Variants in ATP6V1C2 observed in about 807,000 individuals in gnomAD.
ATP6V1C2 encodes the protein V-type proton ATPase subunit C 2.
Under a neutral mutation model 56.8 loss-of-function variants are expected in ATP6V1C2, and 45 were observed. That is an observed-to-expected ratio of 0.79 (90% CI 0.62 to 1.02). The LOEUF (loss-of-function observed/expected upper bound fraction) is 1.02. Ranked by LOEUF, ATP6V1C2 falls within the 50% of genes least tolerant of loss-of-function variation. The probability of loss-of-function intolerance (pLI) is 0.00; values close to 1 mark genes in which losing one functional copy is unlikely to be tolerated. For synonymous variants in ATP6V1C2, 220 were observed against 201.3 expected, an observed-to-expected ratio of 1.09 and a Z score of -0.79; for missense variants, 463 against 519.7, an observed-to-expected ratio of 0.89 and a Z score of 1.06.
intron 3 of ATP6V1C2, among the ~76,000 whole-genome samples, chr2:10,743,899 A>G (rs1419142772): frequency 6.6e-6 from 1 of 151,770 alleles, no homozygotes; most frequent in Non-Finnish European, 1.5e-5. Context: ...GCAGGAGAAT[A>G]GCTGGAACCC....
chr2:10,723,517 AG>A (rs552613184), intron 2 of ATP6V1C2, among the ~76,000 whole-genome samples: 23 of 152,124 alleles, frequency 1.5e-4, no homozygotes, highest in African/African-American at 5.3e-4. Flanking sequence ...CTTGGAGTGG[AG>A]GGCAAAGTTC....
chr2:10,745,988 A>G (rs1486022841), intron 3 of ATP6V1C2, among the ~76,000 whole-genome samples: 1 of 152,138 alleles, frequency 6.6e-6, no homozygotes, highest in Non-Finnish European at 1.5e-5. Flanking sequence ...GACACACCAC[A>G]TTCTATGTAT....
At chr2:10,773,023 T>C (rs1817747) in intron 8 of ATP6V1C2, among the ~76,000 whole-genome samples, 100,424 of 152,198 alleles carry the variant, frequency 0.66, 33,617 homozygotes, top group East Asian at 0.93. Context: ...GCGTGTGGCC[T>C]GCAGGGGCCA....
At chr2:10,778,510 T>G (rs1185667009) in intron 11 of ATP6V1C2, 62 bp from the exon 12 acceptor site, 2 of 1,521,450 alleles carry the variant, frequency 1.3e-6, no homozygotes, top group Non-Finnish European at 1.8e-6. Flanking sequence ...CCCAAGTCCT[T>G]TCTTGGCTCT....
At chr2:10,744,949 A>G (rs1435439504) in intron 3 of ATP6V1C2, among the ~76,000 whole-genome samples, 1 of 151,162 alleles carries the variant, frequency 6.6e-6, no homozygotes, top group Non-Finnish European at 1.5e-5. Context: ...GATTACAAGC[A>G]TGAGCCATCG....
At chr2:10,727,589 G>A (rs1661716249) in intron 3 of ATP6V1C2, among the ~76,000 whole-genome samples, 1 of 151,774 alleles carries the variant, frequency 6.6e-6, no homozygotes, top group African/African-American at 2.4e-5. Flanking sequence ...GTACAAAAAG[G>A]ATATATATAG....
In ATP6V1C2 at chr2:10,774,943, TTC is replaced by T. The variant is rs1406260843; in HGVS notation, c.732-33_732-32del. On this transcript the variant is annotated intron_variant, in intron 9 of 13. Transcript: ENST00000272238. ...GGGGGTCTCTGCCCCTCTGGAAAGC[TTC>T]TGAGTGAAAACCCATGATTTGCTTG... 3.7e-6 allele frequency: 6 copies of T among 1,612,684 alleles called. No individual in the cohort carries two copies. The South Asian group carries it at 4.4e-5, about 12-fold the overall frequency.
At position 10,740,199 on chromosome 2, in the gene ATP6V1C2, T is replaced by A. The variant is rs372748693; in HGVS notation, c.197+13630T>A. On this transcript the variant is annotated intron_variant, in intron 3 of 13. Transcript: ENST00000272238. The stretch of plus-strand genomic sequence containing the variant: ...TATATACTACTAACTTGTTTTCCAA[T>A]GAAGTTAGAAGAAGTTAAAAGAACC... Among the ~76,000 whole-genome samples the A allele has an allele frequency of 2.4e-4, 36 of 152,180 alleles. 1 individual carries two copies. In the East Asian group the frequency reaches 5.6e-3, roughly 24 times the overall value.
At chr2:10,753,479 T>TAGC (rs1663336186) in intron 3 of ATP6V1C2, among the ~76,000 whole-genome samples, 1 of 152,132 alleles carries the variant, frequency 6.6e-6, no homozygotes. Context: ...GTTTGTCCCA[T>TAGC]TTCCTTAAGA....
chr2:10,755,678 C>T (rs1663511026), intron 4 of ATP6V1C2, among the ~76,000 whole-genome samples: 1 of 152,216 alleles, frequency 6.6e-6, no homozygotes, highest in South Asian at 2.1e-4. Context: ...CACCACTCTC[C>T]CCACCTGGGC....
At chr2:10,773,044 A>G (rs6432141) in intron 8 of ATP6V1C2, among the ~76,000 whole-genome samples, 92,642 of 152,150 alleles carry the variant, frequency 0.61, 28,652 homozygotes, top group African/African-American at 0.71. Flanking sequence ...GAGCAGCAGT[A>G]GCCAGTGGGT....
intron 3 of ATP6V1C2, among the ~76,000 whole-genome samples, chr2:10,729,526 A>G (rs1348383781): frequency 6.6e-6 from 1 of 152,162 alleles, no homozygotes; most frequent in Non-Finnish European, 1.5e-5. Context: ...TAATTTTCTC[A>G]ACATATAAAT....
At position 10,764,366 on chromosome 2, in the gene ATP6V1C2, G is replaced by C; in HGVS notation, c.319G>C (p.Asp107His). 1 of 1,614,092 alleles carries C rather than the reference G, an allele frequency of 6.2e-7. No homozygotes were observed. Among genetic ancestry groups the C allele is most frequent in the Non-Finnish European group, 8.5e-7 (1 of 1,179,938 alleles). The change falls in exon 5 of 14, where the codon GAC (aspartate) becomes CAC (histidine). Residue 107 changes from aspartate (D) to histidine (H), a missense_variant. Physicochemically the swap from Asp to His is moderately conservative, Grantham distance 81. Transcript: ENST00000272238. ...ATCCTTTGTGACCCACTTTGAATGGGACATGGCCAAATATCCTGTCAAGCA... is the reference window on the plus strand; with the variant it reads ...ATCCTTTGTGACCCACTTTGAATGGCACATGGCCAAATATCCTGTCAAGCA... ...LTSFVTHFEWDMAKYPVKQPL... is the reference protein window; with the variant it reads ...LTSFVTHFEWHMAKYPVKQPL...
intron 4 of ATP6V1C2, among the ~76,000 whole-genome samples, chr2:10,759,901 T>C (rs1558409247): frequency 6.6e-6 from 1 of 152,244 alleles, no homozygotes; most frequent in Non-Finnish European, 1.5e-5. Context: ...GGCATTTAAA[T>C]GTGAGCCTTA....
At chr2:10,771,601 C>T (rs955766179) in intron 6 of ATP6V1C2, among the ~76,000 whole-genome samples, 7 of 152,216 alleles carry the variant, frequency 4.6e-5, no homozygotes, top group Non-Finnish European at 7.4e-5. Flanking sequence ...GAGGCCCTGC[C>T]AGCCTCCCTG....
At chr2:10,775,346 C>T (rs546092601) in intron 10 of ATP6V1C2, among the ~76,000 whole-genome samples, 9 of 152,326 alleles carry the variant, frequency 5.9e-5, no homozygotes, top group East Asian at 5.8e-4. Context: ...TCCTGAGCAC[C>T]GCCCTGCCAG....
chr2:10,764,934 G>T (rs977282063), intron 5 of ATP6V1C2, among the ~76,000 whole-genome samples: 1 of 151,548 alleles, frequency 6.6e-6, no homozygotes, highest in Non-Finnish European at 1.5e-5. Flanking sequence ...TCATGCCACT[G>T]CTCTCCAGCT....
In ATP6V1C2 at chr2:10,758,610, A is replaced by C. The variant is rs191507063; in HGVS notation, c.283+4544A>C. Reference sequence around the variant, plus strand: ...AGACCTTGTCTCTTAAAACAAAACAAAACAAAACAAAACACAGCATGTGCT... The same window carrying C: ...AGACCTTGTCTCTTAAAACAAAACACAACAAAACAAAACACAGCATGTGCT... On this transcript the variant is annotated intron_variant, in intron 4 of 13. Coordinates refer to ENST00000272238, the MANE Select transcript of ATP6V1C2 (RefSeq NM_001039362.2). 2.6e-3 allele frequency among the ~76,000 whole-genome samples: 398 copies of C among 152,290 alleles called. 1 individual carries two copies. The highest frequency in any genetic ancestry group is 4.1e-3 in the Non-Finnish European group (281 of 68,030).
Position 10,784,392 on chromosome 2 carries a change from A to C in ATP6V1C2, c.*1129A>C. The C allele has an allele frequency of 5.9e-4, 753 of 1,276,672 alleles. No individual in the cohort carries two copies. The highest frequency in any genetic ancestry group is 7.9e-4 in the Non-Finnish European group (700 of 890,622). The allele number at this position is 1,276,672 out of a possible 1,614,324, so 79.1% of individuals were successfully genotyped here. ...GGACACCCTGGAAGGTCAACATCTC[A>C]TTTTATGGAAGAGCGACTCTCTGGA... is the stretch of plus-strand genomic sequence containing the variant. On this transcript the variant is annotated 3_prime_UTR_variant, in exon 14 of 14. Transcript: ENST00000272238.
Sources: allele counts gnomAD v4.1 joint callset (sites outside exome capture counted in the v4.1 genomes callset), GRCh38; gene constraint gnomAD v4.1.1; transcripts MANE v1.5; gene names NCBI Gene and HGNC (gene_info 2026-07-23, HGNC 2026-07-21).